Variants in CMTM4 observed in about 807,000 individuals in gnomAD.
The protein encoded by CMTM4 is CKLF-like MARVEL transmembrane domain-containing protein 4.
Under a neutral mutation model 19.0 loss-of-function variants are expected in CMTM4, and 8 were observed. That is an observed-to-expected ratio of 0.42 (90% confidence interval 0.25 to 0.76). The LOEUF is 0.76. CMTM4 is among the 30% of genes least tolerant of loss of function. The probability of loss-of-function intolerance (pLI) is 0.27; values close to 1 mark genes in which losing one functional copy is unlikely to be tolerated. For missense variants in CMTM4, 228 were observed against 290.2 expected, an observed-to-expected ratio of 0.79 and a Z score of 1.56; for synonymous variants, 106 against 121.1, an observed-to-expected ratio of 0.88 and a Z score of 0.82.
At chr16:66,623,327 G>C in intron 3 of CMTM4, 77 bp downstream of exon 3, 1 of 1,028,194 alleles carries the variant, frequency 9.7e-7, no homozygotes, top group Admixed American at 2.2e-5. Flanking sequence ...GGGGGAGCAG[G>C]ACACATGCCA....
At position 66,668,824 on chromosome 16, in the gene CMTM4, A is replaced by G. The variant is rs1031321; in HGVS notation, c.186+27516T>C. Among the ~76,000 whole-genome samples the G allele has an allele frequency of 8.3e-4, 113 of 136,604 alleles. 1 individual carries two copies. Among genetic ancestry groups the G allele is most frequent in the African/African-American group, 2.6e-3 (105 of 39,980 alleles). The allele number at this position is 136,604 out of a possible 152,430, so 89.6% of individuals were successfully genotyped here. On this transcript the variant is annotated intron_variant, in intron 1 of 3. Transcript: ENST00000394106. ...ACAAAAAGAATATTACAACAGCTTT[A>G]AAAAAAAGGACTATGAAGGGCTAGC...
At chr16:66,640,763 G>C (rs1454087690) in intron 1 of CMTM4, among the ~76,000 whole-genome samples, 2 of 152,170 alleles carry the variant, frequency 1.3e-5, no homozygotes, top group Non-Finnish European at 2.9e-5. Flanking sequence ...CATGGTTCCT[G>C]CCTTGCTCTC....
At chr16:66,610,278 CT>C (rs1382969191), downstream of CMTM4, among the ~76,000 whole-genome samples, 1 of 152,162 alleles carries the variant, frequency 6.6e-6, no homozygotes, top group African/African-American at 2.4e-5. The surrounding 1 kb of genome is among the most constrained non-coding windows in gnomAD (Gnocchi z 4.6). Context: ...GACGACCCCC[CT>C]GGGCAGCCAG....
chr16:66,694,545 T>G (rs1447110426), intron 1 of CMTM4, among the ~76,000 whole-genome samples: 3 of 151,682 alleles, frequency 2.0e-5, no homozygotes, highest in African/African-American at 7.3e-5. Flanking sequence ...AAACCCCGTC[T>G]CTACTAAAAT....
intron 2 of CMTM4, among the ~76,000 whole-genome samples, chr16:66,630,087 C>A (rs2015819665): frequency 6.6e-6 from 1 of 151,962 alleles, no homozygotes. Flanking sequence ...AGTGCCTGGG[C>A]ACCCCTTTTG....
At chr16:66,682,160 C>T (rs1465852438) in intron 1 of CMTM4, among the ~76,000 whole-genome samples, 1 of 152,176 alleles carries the variant, frequency 6.6e-6, no homozygotes, top group Non-Finnish European at 1.5e-5. Context: ...CCACCCTAGG[C>T]ACTCAAATGT....
chr16:66,647,267 T>C (rs977564045), intron 1 of CMTM4, among the ~76,000 whole-genome samples: 2 of 142,752 alleles, frequency 1.4e-5, no homozygotes, highest in Non-Finnish European at 3.0e-5. Context: ...GAGGTTACAG[T>C]GAGCCGAGAT....
At chr16:66,625,839 G>A (rs1255718073) in intron 2 of CMTM4, among the ~76,000 whole-genome samples, 1 of 152,204 alleles carries the variant, frequency 6.6e-6, no homozygotes. Flanking sequence ...TGTGACTGAA[G>A]TTAAACTAAT....
chr16:66,684,914 T>C (rs907936260), intron 1 of CMTM4, among the ~76,000 whole-genome samples: 3 of 152,150 alleles, frequency 2.0e-5, no homozygotes, highest in African/African-American at 7.2e-5. Flanking sequence ...TCTCCCAGTC[T>C]ATATCCTTCC....
intron 1 of CMTM4, among the ~76,000 whole-genome samples, chr16:66,641,086 C>T (rs1446042559): frequency 6.6e-6 from 1 of 152,172 alleles, no homozygotes; most frequent in Non-Finnish European, 1.5e-5. Context: ...CTTCCTCTGT[C>T]ACCCAGGGGG....
intron 1 of CMTM4, among the ~76,000 whole-genome samples, chr16:66,695,614 A>G (rs1411454570): frequency 6.6e-6 from 1 of 152,178 alleles, no homozygotes; most frequent in East Asian, 1.9e-4. Flanking sequence ...AATGAGCTCT[A>G]CTACAGACAA....
chr16:66,663,222 A>G (rs1043490533), intron 1 of CMTM4, among the ~76,000 whole-genome samples: 1 of 152,218 alleles, frequency 6.6e-6, no homozygotes, highest in Non-Finnish European at 1.5e-5. Flanking sequence ...ATATAATTCT[A>G]AATTACTTGG....
At position 66,620,443 on chromosome 16, in the gene CMTM4, T is replaced by C. The variant is rs1268442234; in HGVS notation, c.*1615A>G. On this transcript the variant is annotated 3_prime_UTR_variant, in exon 4 of 4. Transcript: ENST00000394106. ...CCAACTCAGATCGTACTGAAGGTGT[T>C]GGTGCAGGAAGCTAACCCCAACTCC... 5 of 985,350 alleles carry C rather than the reference T, an allele frequency of 5.1e-6. No individual in the cohort carries two copies. The highest frequency in any genetic ancestry group is 6.0e-6 in the Non-Finnish European group (5 of 829,974). The allele number at this position is 985,350 out of a possible 1,614,324, so 61.0% of individuals were successfully genotyped here. A position where few individuals can be genotyped will look rare whatever the true frequency, so the allele number is the denominator to read the frequency against.
chr16:66,668,200 A>C (rs1395745696), intron 1 of CMTM4, among the ~76,000 whole-genome samples: 1 of 150,206 alleles, frequency 6.7e-6, no homozygotes, highest in Non-Finnish European at 1.5e-5. Context: ...GTAAAGACAG[A>C]GTTTCGCTAT....
At chr16:66,612,736 T>A (rs1009395107), downstream of CMTM4, 7 of 1,218,996 alleles carry the variant, frequency 5.7e-6, no homozygotes, top group Non-Finnish European at 8.3e-6. This position sits in a 1 kb window ranked among gnomAD's most constrained non-coding sequence, Gnocchi z 6.0. Flanking sequence ...GACTTCTGAG[T>A]TGCAGAGGGG....
Position 66,615,885 on chromosome 16 carries a change from T to C in CMTM4, c.*6173A>G, listed in dbSNP as rs960740885. 7.9e-5 allele frequency: 12 copies of C among 152,210 alleles called. No individual in the cohort carries two copies. The highest frequency in any genetic ancestry group is 1.8e-4 in the Non-Finnish European group (12 of 68,036). 9.4% of individuals were successfully genotyped at this position (152,210 alleles called of 1,614,324 possible). ...GAGCAGTGGCTCCAAACTGAGCAAGTGGTTAAAAAATGCCAAATGCAATTA... is the reference window on the plus strand; with the variant it reads ...GAGCAGTGGCTCCAAACTGAGCAAGCGGTTAAAAAATGCCAAATGCAATTA... On this transcript the variant is annotated 3_prime_UTR_variant, in exon 4 of 4. Coordinates refer to ENST00000394106, the MANE Select transcript of CMTM4 (RefSeq NM_181521.3). This position sits in a 1 kb window ranked among gnomAD's most constrained non-coding sequence, Gnocchi z 4.9.
chr16:66,672,715 T>G (rs1017275524), intron 1 of CMTM4, among the ~76,000 whole-genome samples: 17 of 151,852 alleles, frequency 1.1e-4, no homozygotes, highest in Non-Finnish European at 2.1e-4. Context: ...GTTCAAGCGA[T>G]TCTCCTGCCT....
At chr16:66,672,086 G>A (rs888149106) in intron 1 of CMTM4, among the ~76,000 whole-genome samples, 5 of 151,866 alleles carry the variant, frequency 3.3e-5, no homozygotes, top group Non-Finnish European at 5.9e-5. Context: ...CACATATGTT[G>A]GTGCAAAAGT....
chr16:66,676,083 T>C (rs896418891), intron 1 of CMTM4, among the ~76,000 whole-genome samples: 1 of 152,142 alleles, frequency 6.6e-6, no homozygotes, highest in African/African-American at 2.4e-5. Flanking sequence ...GCTGTCAAAT[T>C]ATCCTGTTCT....
Sources: gnomAD v4.1 joint callset for allele counts (sites outside exome capture counted in the v4.1 genomes callset) on GRCh38, gnomAD v4.1.1 for gene constraint, Gnocchi (gnomAD v3.1) non-coding constraint, MANE v1.5 for transcripts, NCBI Gene and HGNC (gene_info 2026-07-23, HGNC 2026-07-21) for gene names.